The following PPIC variants were observed in gnomAD, a reference collection of about 807,000 sequenced individuals.
The protein encoded by PPIC is peptidylprolyl isomerase C, also known as peptidyl-prolyl cis-trans isomerase C.
Under a neutral mutation model 19.5 loss-of-function variants are expected in PPIC, and 19 were observed. The ratio of observed to expected loss-of-function variants is 0.98; its 90% confidence interval spans 0.68 to 1.43. The LOEUF (loss-of-function observed/expected upper bound fraction) is 1.43, where lower values mean the gene tolerates loss of function less well. Ranked by LOEUF, PPIC falls within the 40% of genes most tolerant of loss-of-function variation. PPIC has a pLI of 0.00. For missense variants in PPIC, 268 were observed against 268.6 expected (o/e 1.00, Z 0.02); for synonymous variants, 107 against 101.2 (o/e 1.06, Z -0.34).
chr5:123,035,963 G>C (rs536555909), intron 1 of PPIC, among the ~76,000 whole-genome samples: 15 of 152,046 alleles, frequency 9.9e-5, no homozygotes, highest in Non-Finnish European at 1.9e-4. Context: ...GAAGGACGAC[G>C]GTTCCCCAAA....
At chr5:123,033,778 C>T (rs1160153378) in intron 1 of PPIC, among the ~76,000 whole-genome samples, 1 of 152,230 alleles carries the variant, frequency 6.6e-6, no homozygotes, top group African/African-American at 2.4e-5. Context: ...TAGCCACAGC[C>T]TCCTGGCCAC....
chr5:123,028,220 A>T (rs889348118), intron 3 of PPIC, among the ~76,000 whole-genome samples: 4 of 152,226 alleles, frequency 2.6e-5, no homozygotes, highest in African/African-American at 9.6e-5. Context: ...AAATGAAAAC[A>T]CATAGCCAGG....
intron 3 of PPIC, among the ~76,000 whole-genome samples, chr5:123,028,335 C>T (rs10066188): frequency 0.36 from 54,187 of 151,998 alleles, 10,481 homozygotes; most frequent in African/African-American, 0.49. Flanking sequence ...GAGGAAAGTG[C>T]GCTGTGACCC....
chr5:123,032,852 A>G (rs560750903), intron 1 of PPIC, among the ~76,000 whole-genome samples: 1 of 152,120 alleles, frequency 6.6e-6, no homozygotes, highest in Non-Finnish European at 1.5e-5. Flanking sequence ...TCCATGCTAG[A>G]CTTTGGGGTG....
chr5:123,025,974 A>T lies in PPIC; in HGVS notation c.326-6T>A, dbSNP rs761768432. The T allele has an allele frequency of 7.6e-6, 12 of 1,583,112 alleles. 1 individual carries two copies. Among genetic ancestry groups the T allele is most frequent in the Middle Eastern group, 3.4e-4 (2 of 5,964 alleles). On this transcript the variant is annotated splice_region_variant and splice_polypyrimidine_tract_variant and intron_variant, in intron 3 of 4. Coordinates refer to ENST00000306442, the MANE Select transcript of PPIC (RefSeq NM_000943.5). ...CTCACCATAGATGCTCACACCTGAG[A>T]CAAAACAAGGAAGAAAGTCAACAGA...
chr5:123,031,473 G>GT lies in PPIC; in HGVS notation c.118-2056_118-2055insA, dbSNP rs1413199980. 2.0e-5 allele frequency among the ~76,000 whole-genome samples: 3 copies of GT among 152,174 alleles called. No individual in the cohort carries two copies. In the East Asian group the frequency reaches 5.8e-4, roughly 29 times the overall value. On this transcript the variant is annotated intron_variant, in intron 1 of 4. Coordinates refer to ENST00000306442, the MANE Select transcript of PPIC (RefSeq NM_000943.5). ...TGGCAGACTTCTTTCTGGAACCAAT[G>GT]CACCTAGGCAGGAAATGTGACCTGT...
chr5:123,033,954 C>A (rs926205681), intron 1 of PPIC, among the ~76,000 whole-genome samples: 4 of 152,210 alleles, frequency 2.6e-5, no homozygotes, highest in African/African-American at 9.6e-5. Context: ...TGAGCCAGAG[C>A]CCCCACCTGA....
intron 3 of PPIC, among the ~76,000 whole-genome samples, chr5:123,028,227 C>T (rs1762889788): frequency 6.6e-6 from 1 of 152,144 alleles, no homozygotes. Context: ...AACACATAGC[C>T]AGGAGTGTGA....
rs766141474 is a variant in PPIC at position 123,036,526 on chromosome 5, G to A, written c.100C>T (p.Pro34Ser). ...SGAEGFRKRG[P>S]SVTAKVFFDV... ...TCGGTCACCTTGGCCGTCACCGAGG[G>A]GCCTCGCTTGCGGAAGCCCTCGGCC... Residue 34 changes from proline to serine, a missense_variant, in exon 1 of 5, where the codon CCC becomes TCC. By Grantham distance (74) the Pro-to-Ser change is moderately conservative. Transcript: ENST00000306442. The surrounding 1 kb of genome is among the most constrained non-coding windows in gnomAD (Gnocchi z 4.5). The A allele has an allele frequency of 6.2e-7, 1 of 1,606,698 alleles. No homozygotes were observed. Among genetic ancestry groups the A allele is most frequent in the Non-Finnish European group, 8.5e-7 (1 of 1,177,900 alleles).
At chr5:123,027,334 T>A (rs1762874650) in intron 3 of PPIC, among the ~76,000 whole-genome samples, 1 of 152,120 alleles carries the variant, frequency 6.6e-6, no homozygotes, top group African/African-American at 2.4e-5. Context: ...AAACATTGTC[T>A]GTCCAAAATT....
At chr5:123,028,958 A>C (rs748281555) in intron 2 of PPIC, 90 bp from the exon 3 acceptor site, 264 of 1,118,180 alleles carry the variant, frequency 2.4e-4, no homozygotes, top group Non-Finnish European at 2.8e-4. Flanking sequence ...AAACTGAGAA[A>C]ATTAAACAAA....
chr5:123,024,037 C>G, intron 4 of PPIC, 34 bp from the exon 5 acceptor site: 2 of 1,599,638 alleles, frequency 1.3e-6, no homozygotes, highest in Non-Finnish European at 1.7e-6. Flanking sequence ...TGGTTTAATT[C>G]TGACCAGCAG....
chr5:123,035,281 C>T (rs1405566978), intron 1 of PPIC, among the ~76,000 whole-genome samples: 2 of 152,218 alleles, frequency 1.3e-5, no homozygotes, highest in East Asian at 3.8e-4. Context: ...TTTCCTCCAA[C>T]ATTTCATAAT....
Position 123,036,465 on chromosome 5 carries a change from C to T in PPIC, c.117+44G>A, listed in dbSNP as rs753889848. 7.1e-6 allele frequency: 11 copies of T among 1,554,862 alleles called. No homozygotes were observed. The highest frequency in any genetic ancestry group is 1.9e-4 in the Middle Eastern group (1 of 5,268). On this transcript the variant is annotated intron_variant, in intron 1 of 4. Transcript: ENST00000306442. This position sits in a 1 kb window ranked among gnomAD's most constrained non-coding sequence, Gnocchi z 4.5. ...CCAGTATCCAAAGCGCCCCCAGGGC[C>T]CCGCCCGCAACAGGGGAAGTTGCAG...
chr5:123,029,705 G>T (rs1762918787), intron 1 of PPIC, among the ~76,000 whole-genome samples: 1 of 152,156 alleles, frequency 6.6e-6, no homozygotes, highest in African/African-American at 2.4e-5. Context: ...GTTGGCCAAT[G>T]AAGTCTTCAA....
Position 123,036,291 on chromosome 5 carries a change from A to G in PPIC, c.117+218T>C. 1 of 567,602 alleles carries G rather than the reference A, an allele frequency of 1.8e-6. No individual in the cohort carries two copies. Among genetic ancestry groups the G allele is most frequent in the South Asian group, 2.0e-5 (1 of 48,950 alleles). 35.2% of individuals were successfully genotyped at this position (567,602 alleles called of 1,614,324 possible). A position where few individuals can be genotyped will look rare whatever the true frequency, so the allele number is the denominator to read the frequency against. On this transcript the variant is annotated intron_variant, in intron 1 of 4. Coordinates refer to ENST00000306442, the MANE Select transcript of PPIC (RefSeq NM_000943.5). This position sits in a 1 kb window ranked among gnomAD's most constrained non-coding sequence, Gnocchi z 4.5. ...AGTCCAAGCAGACTGCGGCGGAGGT[A>G]GGCTGGCCTCAGCCCAGCTCCCCCA...
intron 1 of PPIC, among the ~76,000 whole-genome samples, chr5:123,032,759 A>G (rs1347784963): frequency 6.6e-6 from 1 of 152,196 alleles, no homozygotes; most frequent in Admixed American, 6.5e-5. Context: ...TTTATAAGAC[A>G]AGTACAGATA....
At chr5:123,030,348 CCA>C (rs1729557399) in intron 1 of PPIC, among the ~76,000 whole-genome samples, 2 of 152,154 alleles carry the variant, frequency 1.3e-5, no homozygotes, top group Admixed American at 1.3e-4. Context: ...CTTGAAAAGG[CCA>C]CAGAGTCAAA....
At chr5:123,028,662 C>T (rs566542898) in intron 3 of PPIC, 113 bp downstream of exon 3, 5 of 774,832 alleles carry the variant, frequency 6.5e-6, no homozygotes, top group East Asian at 2.8e-5. Context: ...GAGGTACAGT[C>T]GTCTTTACAA....
Sources: gnomAD v4.1 joint callset for allele counts (sites outside exome capture counted in the v4.1 genomes callset) on GRCh38, gnomAD v4.1.1 for gene constraint, Gnocchi (gnomAD v3.1) non-coding constraint, MANE v1.5 for transcripts, NCBI Gene and HGNC (gene_info 2026-07-23, HGNC 2026-07-21) for gene names.